The following PISD variants were observed in gnomAD, a reference collection of about 807,000 sequenced individuals.
PISD encodes phosphatidylserine decarboxylase proenzyme, mitochondrial.
PISD carries 31 observed loss-of-function variants against 43.5 expected under a neutral mutation model. The observed-to-expected ratio is 0.71, with a 90% CI of 0.54 to 0.96. The LOEUF (loss-of-function observed/expected upper bound fraction) is 0.96. Ranked by LOEUF, PISD falls within the 40% of genes least tolerant of loss-of-function variation. The pLI is 0.00. For missense variants in PISD, 523 were observed against 548.4 expected (o/e 0.95, Z 0.46); for synonymous variants, 259 against 228.7 (o/e 1.13, Z -1.20).
At chr22:31,661,833 T>C (rs951415178) in intron 1 of PISD, among the ~76,000 whole-genome samples, 5 of 152,060 alleles carry the variant, frequency 3.3e-5, no homozygotes, top group Non-Finnish European at 7.4e-5. Flanking sequence ...GAAAATGGCA[T>C]CTGAACATCT....
chr22:31,634,034 C>A (rs1216439678), intron 3 of PISD, among the ~76,000 whole-genome samples: 3 of 152,180 alleles, frequency 2.0e-5, no homozygotes, highest in African/African-American at 7.2e-5. Context: ...GCTCTCAGGC[C>A]ACCTGCAGAT....
intron 1 of PISD, among the ~76,000 whole-genome samples, chr22:31,654,590 A>G (rs2074116147): frequency 6.6e-6 from 1 of 152,156 alleles, no homozygotes; most frequent in African/African-American, 2.4e-5. Flanking sequence ...GATGTTTACC[A>G]AATGCACTTC....
At chr22:31,642,679 C>T (rs182754413) in intron 3 of PISD, among the ~76,000 whole-genome samples, 5 of 149,664 alleles carry the variant, frequency 3.3e-5, no homozygotes, top group African/African-American at 7.6e-5. Context: ...CCTGTAGTCC[C>T]GGCTGCTTGG....
intron 3 of PISD, among the ~76,000 whole-genome samples, chr22:31,637,130 ATAATAAATAAATT>A (rs1394643558): frequency 2.2e-4 from 24 of 108,228 alleles, no homozygotes; most frequent in African/African-American, 8.2e-4. Flanking sequence ...AAAAAAAATA[ATAATAAATAAATT>A]AAAAAAAAAA....
At chr22:31,625,131 A>G (rs2072830228) in intron 3 of PISD, among the ~76,000 whole-genome samples, 1 of 152,198 alleles carries the variant, frequency 6.6e-6, no homozygotes, top group Non-Finnish European at 1.5e-5. Flanking sequence ...TGAGCAAACC[A>G]AGGAACAAAG....
chr22:31,624,074 C>T lies in PISD; in HGVS notation c.322-2189G>A, dbSNP rs561749553. The stretch of plus-strand genomic sequence containing the variant: ...TGCCTCTGGCTAGCGGACTCATTTC[C>T]CAGGCTCTCCCACCCGCCAGCCAGC... On this transcript the variant is annotated intron_variant, in intron 3 of 7. Transcript: ENST00000439502. Among the ~76,000 whole-genome samples the T allele has an allele frequency of 3.1e-4, 47 of 152,328 alleles. No individual in the cohort carries two copies. In the East Asian group the frequency reaches 7.7e-3, roughly 25 times the overall value.
chr22:31,636,191 G>C (rs1266937286), intron 3 of PISD, among the ~76,000 whole-genome samples: 2 of 152,216 alleles, frequency 1.3e-5, no homozygotes, highest in Non-Finnish European at 2.9e-5. Context: ...CACTTCACAG[G>C]GTTCTGCCTT....
In PISD at chr22:31,621,483, A is replaced by G; in HGVS notation, c.559-11T>C. 1 of 1,614,058 alleles carries G rather than the reference A, an allele frequency of 6.2e-7. No individual in the cohort carries two copies. Among genetic ancestry groups the G allele is most frequent in the Non-Finnish European group, 8.5e-7 (1 of 1,180,006 alleles). The stretch of plus-strand genomic sequence containing the variant: ...ATCCGATGGGCTAATCTGGAAGGGC[A>G]GGAGAGGCTTGCTGCCAGGGAGAGC... On this transcript the variant is annotated splice_polypyrimidine_tract_variant and intron_variant, in intron 4 of 7. Transcript: ENST00000439502.
chr22:31,646,714 C>T (rs1251159439), intron 3 of PISD, among the ~76,000 whole-genome samples: 1 of 152,094 alleles, frequency 6.6e-6, no homozygotes, highest in Non-Finnish European at 1.5e-5. Context: ...CTACACTTTA[C>T]AAGTACTTTA....
chr22:31,649,575 T>C (rs978366208), intron 2 of PISD, among the ~76,000 whole-genome samples: 2 of 151,576 alleles, frequency 1.3e-5, no homozygotes, highest in Non-Finnish European at 2.9e-5. Flanking sequence ...CTACTAAAAA[T>C]ACAAAAAATT....
chr22:31,640,880 G>GTTTTTTTTTTGTTTTTTT (rs2073690668), intron 3 of PISD, among the ~76,000 whole-genome samples: 1 of 24,596 alleles, frequency 4.1e-5, no homozygotes, highest in Non-Finnish European at 6.6e-5. Context: ...CACACCCGGT[G>GTTTTTTTTTTGTTTTTTT]TTTTTTTTTT....
chr22:31,639,513 C>CTAGCTGAAAGTGTATATTT (rs2147749361), intron 3 of PISD, among the ~76,000 whole-genome samples: 1 of 152,174 alleles, frequency 6.6e-6, no homozygotes, highest in Non-Finnish European at 1.5e-5. Flanking sequence ...CAGGCATGAG[C>CTAGCTGAAAGTGTATATTT]CACCATGCCT....
chr22:31,619,862 G>A, intron 7 of PISD, 26 bp from the exon 8 acceptor site: 9 of 1,523,958 alleles, frequency 5.9e-6, no homozygotes, highest in Non-Finnish European at 7.2e-6. Context: ...GGGGGTCAGT[G>A]GGGCCCAGGC....
At chr22:31,637,159 AAAAAAATATAT>A (rs1267678144) in intron 3 of PISD, among the ~76,000 whole-genome samples, 38 of 27,686 alleles carry the variant, frequency 1.4e-3, no homozygotes, top group Middle Eastern at 0.02. Context: ...AAAAAAAAAA[AAAAAAATATAT>A]ATATATATAT....
In PISD at chr22:31,619,369, C is replaced by T. The variant is rs1355935548; in HGVS notation, c.*243G>A. 3 of 594,888 alleles carry T rather than the reference C, an allele frequency of 5.0e-6. No homozygotes were observed. In the African/African-American group the frequency reaches 5.5e-5, roughly 11 times the overall value. 36.9% of individuals were successfully genotyped at this position (594,888 alleles called of 1,614,324 possible). On this transcript the variant is annotated 3_prime_UTR_variant, in exon 8 of 8. Transcript: ENST00000439502. ...CAAATGTGACTGAGATCATTCCAGC[C>T]TGCACTTTTTATTTGTAGGCAGAAG... is the stretch of plus-strand genomic sequence containing the variant.
At chr22:31,643,325 G>C (rs62237857) in intron 3 of PISD, among the ~76,000 whole-genome samples, 1 of 152,036 alleles carries the variant, frequency 6.6e-6, no homozygotes, top group Non-Finnish European at 1.5e-5. Context: ...AATAGAGAAA[G>C]GATAATCTTT....
chr22:31,632,266 C>A, intron 3 of PISD: 2 of 984,410 alleles, frequency 2.0e-6, no homozygotes, highest in Non-Finnish European at 2.4e-6. Context: ...GGGTCCTCCT[C>A]CATGGATTTC....
chr22:31,629,569 C>G (rs1464094217), intron 3 of PISD: 1 of 72,222 alleles, frequency 1.4e-5, no homozygotes, highest in Non-Finnish European at 2.6e-5. Flanking sequence ...GTAGGGGGCG[C>G]GTGCGTGTAT....
upstream of PISD, chr22:31,662,472 C>T (rs1051696675): frequency 2.3e-5 from 12 of 525,520 alleles, no homozygotes; most frequent in Non-Finnish European, 3.8e-5. Context: ...TGCCTTTCCT[C>T]ATGTACCTGG....
Sources: gnomAD v4.1 joint callset for allele counts (sites outside exome capture counted in the v4.1 genomes callset) on GRCh38, gnomAD v4.1.1 for gene constraint, MANE v1.5 for transcripts, NCBI Gene and HGNC (gene_info 2026-07-23, HGNC 2026-07-21) for gene names.